SPOCK3: variants seen among roughly 807,000 people sequenced by gnomAD.
The protein encoded by SPOCK3 is SPARC (osteonectin), cwcv and kazal like domains proteoglycan 3.
In SPOCK3, 30 loss-of-function variants were observed where a neutral mutation model predicts 56.6. That is an observed-to-expected ratio of 0.53 (90% CI 0.40 to 0.72). SPOCK3 has a LOEUF of 0.72. SPOCK3 is among the 30% of genes least tolerant of loss of function. SPOCK3 has a pLI of 0.00. For missense variants in SPOCK3, 527 were observed against 530.0 expected, an observed-to-expected ratio of 0.99 and a Z score of 0.06; for synonymous variants, 196 against 183.3, an observed-to-expected ratio of 1.07 and a Z score of -0.56.
chr4:167,205,813 T>C (rs1734270322), intron 2 of SPOCK3, among the ~76,000 whole-genome samples: 1 of 146,474 alleles, frequency 6.8e-6, no homozygotes, highest in Non-Finnish European at 1.5e-5. Context: ...TTTTCACATG[T>C]TGGCCAGCCT....
intron 2 of SPOCK3, among the ~76,000 whole-genome samples, chr4:167,199,230 TGTG>T (rs1561314441): frequency 1.7e-4 from 19 of 110,134 alleles, no homozygotes; most frequent in African/African-American, 5.7e-4. Context: ...TTTGTTTGTG[TGTG>T]TGTGTGTGTG....
intron 5 of SPOCK3, among the ~76,000 whole-genome samples, chr4:166,893,309 T>A (rs1734987610): frequency 6.6e-6 from 1 of 152,154 alleles, no homozygotes; most frequent in South Asian, 2.1e-4. Context: ...TTCTTGGGCA[T>A]TCACTAAAGT....
intron 8 of SPOCK3, among the ~76,000 whole-genome samples, chr4:166,748,841 A>G (rs1735990294): frequency 7.3e-6 from 1 of 137,350 alleles, no homozygotes; most frequent in Non-Finnish European, 1.5e-5. Context: ...ATGAACAGAC[A>G]TTTTTCAAAC....
chr4:166,989,047 C>T (rs901447836), intron 4 of SPOCK3, among the ~76,000 whole-genome samples: 1 of 151,924 alleles, frequency 6.6e-6, no homozygotes, highest in Non-Finnish European at 1.5e-5. Flanking sequence ...AATGCTAAAA[C>T]GGAAGGAAAG....
At chr4:167,116,443 T>A (rs1437417013) in intron 2 of SPOCK3, among the ~76,000 whole-genome samples, 1 of 145,742 alleles carries the variant, frequency 6.9e-6, no homozygotes, top group Non-Finnish European at 1.5e-5. Context: ...GTAATATATA[T>A]ATACACAAAA....
chr4:166,867,597 T>C (rs751306950), intron 6 of SPOCK3, among the ~76,000 whole-genome samples: 51 of 151,220 alleles, frequency 3.4e-4, no homozygotes, highest in Non-Finnish European at 5.2e-4. Context: ...TATTGACTAA[T>C]GAATTATATT....
At chr4:167,096,379 A>G (rs1256238878) in intron 2 of SPOCK3, among the ~76,000 whole-genome samples, 1 of 151,946 alleles carries the variant, frequency 6.6e-6, no homozygotes, top group East Asian at 1.9e-4. Flanking sequence ...CTTTGATGAC[A>G]TAGATATTCA....
intron 4 of SPOCK3, among the ~76,000 whole-genome samples, chr4:166,927,770 C>T (rs1302023221): frequency 3.3e-5 from 5 of 151,614 alleles, no homozygotes; most frequent in Admixed American, 6.6e-5. Flanking sequence ...TGAAAGACAG[C>T]GTCAAGAGAA....
At chr4:167,230,365 C>A (rs1229224471) in intron 2 of SPOCK3, among the ~76,000 whole-genome samples, 2 of 151,662 alleles carry the variant, frequency 1.3e-5, no homozygotes, top group Non-Finnish European at 2.9e-5. Context: ...ATTTCCAATT[C>A]TCCTAATATA....
At chr4:166,961,080 G>T (rs986195978) in intron 4 of SPOCK3, among the ~76,000 whole-genome samples, 1 of 152,048 alleles carries the variant, frequency 6.6e-6, no homozygotes, top group Non-Finnish European at 1.5e-5. Flanking sequence ...AATATGGAAA[G>T]ACAGGCAAAT....
At chr4:166,804,179 G>C (rs1265186743) in intron 6 of SPOCK3, among the ~76,000 whole-genome samples, 4 of 151,964 alleles carry the variant, frequency 2.6e-5, no homozygotes, top group African/African-American at 2.4e-5. Context: ...CAGAATTCTG[G>C]GGCTGCCATA....
chr4:166,907,200 C>T (rs1003783956), intron 5 of SPOCK3, among the ~76,000 whole-genome samples: 1 of 152,054 alleles, frequency 6.6e-6, no homozygotes, highest in Non-Finnish European at 1.5e-5. Flanking sequence ...GTGTCTCTAA[C>T]TCATTGCATT....
rs1045032111 is a variant in SPOCK3 at position 167,182,240 on chromosome 4, A to G, written c.189+51745T>C. ...ATAATGCTTAGTTTTCTAGCCCTCA[A>G]AGTACAACCACAGACTGCAATATCT... On this transcript the variant is annotated intron_variant, in intron 2 of 10. Coordinates refer to ENST00000357545, the MANE Select transcript of SPOCK3 (RefSeq NM_001040159.2). Among the ~76,000 whole-genome samples, 3 of 152,192 alleles carry G rather than the reference A, an allele frequency of 2.0e-5. No individual in the cohort carries two copies. The East Asian group carries it at 5.8e-4, about 30-fold the overall frequency.
intron 2 of SPOCK3, among the ~76,000 whole-genome samples, chr4:167,098,492 A>G (rs1759355427): frequency 2.6e-5 from 4 of 152,096 alleles, no homozygotes; most frequent in Non-Finnish European, 5.9e-5. Flanking sequence ...ATTTATTTAA[A>G]TTCCTTCTTT....
intron 7 of SPOCK3, among the ~76,000 whole-genome samples, chr4:166,768,001 A>G (rs1200967615): frequency 3.7e-5 from 5 of 133,494 alleles, no homozygotes; most frequent in African/African-American, 9.3e-5. Context: ...ATCAGAGACT[A>G]GGATTGCAAA....
At chr4:166,785,425 A>G (rs1482430793) in intron 7 of SPOCK3, among the ~76,000 whole-genome samples, 1 of 152,148 alleles carries the variant, frequency 6.6e-6, no homozygotes, top group Non-Finnish European at 1.5e-5. Flanking sequence ...TTCAAGTAAA[A>G]TACAATTCTT....
At chr4:166,985,227 T>C (rs2150101054) in intron 4 of SPOCK3, among the ~76,000 whole-genome samples, 2 of 152,160 alleles carry the variant, frequency 1.3e-5, no homozygotes, top group African/African-American at 4.8e-5. Flanking sequence ...TCCTCCACAA[T>C]GAAAATTCAA....
intron 6 of SPOCK3, among the ~76,000 whole-genome samples, chr4:166,841,918 G>GT (rs1747407652): frequency 6.6e-6 from 1 of 152,192 alleles, no homozygotes. Flanking sequence ...TTTAAAGATG[G>GT]TGTGTCTGTA....
chr4:167,083,877 T>C (rs1327993789), intron 2 of SPOCK3, among the ~76,000 whole-genome samples: 1 of 152,160 alleles, frequency 6.6e-6, no homozygotes, highest in African/African-American at 2.4e-5. Context: ...ATGTTACATT[T>C]TTCTACCAAG....
Sources: gnomAD v4.1 joint callset for allele counts (sites outside exome capture counted in the v4.1 genomes callset) on GRCh38, gnomAD v4.1.1 for gene constraint, MANE v1.5 for transcripts, NCBI Gene and HGNC (gene_info 2026-07-23, HGNC 2026-07-21) for gene names.